Variants in RERE observed in about 807,000 individuals in gnomAD.
RERE encodes arginine-glutamic acid dipeptide repeats.
RERE carries 40 observed loss-of-function variants against 146.1 expected under a neutral mutation model. The observed-to-expected ratio is 0.27, with a 90% CI of 0.21 to 0.36. The LOEUF (loss-of-function observed/expected upper bound fraction) is 0.36, where lower values mean the gene tolerates loss of function less well. RERE is among the 10% of genes least tolerant of loss of function. RERE has a pLI of 1.00. For synonymous variants in RERE, 1,003 were observed against 866.0 expected (o/e 1.16, Z -2.78); for missense variants, 1,933 against 2,138.7 (o/e 0.90, Z 1.90).
chr1:8,731,480 G>A (rs913910701), intron 1 of RERE, among the ~76,000 whole-genome samples: 8 of 151,978 alleles, frequency 5.3e-5, no homozygotes, highest in African/African-American at 1.5e-4. Context: ...TAAACTCTTC[G>A]GAAGATCACA....
chr1:8,464,529 A>G (rs1425594457), intron 11 of RERE, among the ~76,000 whole-genome samples: 1 of 152,154 alleles, frequency 6.6e-6, no homozygotes, highest in East Asian at 1.9e-4. Context: ...CATGTGGGGC[A>G]CATCACCATG....
chr1:8,777,524 A>C (rs1203516619), intron 1 of RERE, among the ~76,000 whole-genome samples: 1 of 151,776 alleles, frequency 6.6e-6, no homozygotes, highest in African/African-American at 2.4e-5. Flanking sequence ...CTGAAAACAA[A>C]GTGTCATACT....
intron 3 of RERE, among the ~76,000 whole-genome samples, chr1:8,621,068 T>C (rs1646910399): frequency 6.6e-6 from 1 of 151,782 alleles, no homozygotes; most frequent in Non-Finnish European, 1.5e-5. Context: ...GTTTTGATGG[T>C]TGAATATTAA....
chr1:8,696,195 T>G (rs777175732), intron 1 of RERE, among the ~76,000 whole-genome samples: 4 of 152,188 alleles, frequency 2.6e-5, no homozygotes, highest in Non-Finnish European at 5.9e-5. Context: ...CAGGTATACA[T>G]GCAAAAGAAA....
intron 1 of RERE, chr1:8,806,777 G>C (rs1263739542): frequency 6.6e-6 from 1 of 152,094 alleles, no homozygotes; most frequent in African/African-American, 2.4e-5. Context: ...CTCTTCTCTA[G>C]CCTCCAAGTT....
At chr1:8,568,219 T>C (rs141511540) in intron 4 of RERE, among the ~76,000 whole-genome samples, 1 of 152,334 alleles carries the variant, frequency 6.6e-6, no homozygotes, top group Non-Finnish European at 1.5e-5. Context: ...ATCAGAACTC[T>C]AGGTCCTCCA....
At chr1:8,441,369 C>T (rs930620889) in intron 11 of RERE, among the ~76,000 whole-genome samples, 1 of 152,154 alleles carries the variant, frequency 6.6e-6, no homozygotes, top group Non-Finnish European at 1.5e-5. Context: ...TTCTTCTATC[C>T]CCACCACTGC....
chr1:8,741,543 A>G (rs1160891409), intron 1 of RERE, among the ~76,000 whole-genome samples: 1 of 152,164 alleles, frequency 6.6e-6, no homozygotes, highest in East Asian at 1.9e-4. Flanking sequence ...GTGAGTTCTC[A>G]TAAGATCCGA....
At chr1:8,794,711 A>G (rs555662221) in intron 1 of RERE, among the ~76,000 whole-genome samples, 71 of 152,276 alleles carry the variant, frequency 4.7e-4, no homozygotes, top group African/African-American at 1.7e-3. Context: ...AGCCTGGGCA[A>G]CACGGCAAAA....
At chr1:8,390,233 A>C (rs1327181144) in intron 12 of RERE, among the ~76,000 whole-genome samples, 1 of 152,172 alleles carries the variant, frequency 6.6e-6, no homozygotes, top group Non-Finnish European at 1.5e-5. Context: ...CATACAGAAG[A>C]GCAGAGACCC....
intron 2 of RERE, among the ~76,000 whole-genome samples, chr1:8,647,759 C>A (rs1022598467): frequency 4.6e-5 from 7 of 151,586 alleles, no homozygotes. Context: ...AATTGCCTTA[C>A]AGAAGCTTTC....
chr1:8,422,563 C>T (rs1643925241), intron 12 of RERE, among the ~76,000 whole-genome samples, 164 bp downstream of exon 12: 1 of 152,114 alleles, frequency 6.6e-6, no homozygotes. Context: ...AAATTATGAA[C>T]TCAAATTAAA....
intron 2 of RERE, among the ~76,000 whole-genome samples, chr1:8,649,347 A>T (rs60360777): frequency 0.026 from 3,936 of 152,314 alleles, 155 homozygotes; most frequent in African/African-American, 0.089. Context: ...TACAAAACAG[A>T]CTTCCAGAAG....
At chr1:8,764,476 C>T (rs998369666) in intron 1 of RERE, among the ~76,000 whole-genome samples, 1 of 152,118 alleles carries the variant, frequency 6.6e-6, no homozygotes, top group African/African-American at 2.4e-5. Flanking sequence ...CAGTCAATCC[C>T]ATGCCAAGTA....
intron 1 of RERE, among the ~76,000 whole-genome samples, chr1:8,685,025 T>G (rs1639054090): frequency 6.6e-6 from 1 of 151,940 alleles, no homozygotes; most frequent in African/African-American, 2.4e-5. Context: ...AGCCAGCTAA[T>G]TTTTCAATTT....
intron 1 of RERE, among the ~76,000 whole-genome samples, chr1:8,777,560 A>C (rs1160998872): frequency 6.9e-6 from 1 of 144,006 alleles, no homozygotes; most frequent in Admixed American, 7.0e-5. Flanking sequence ...TTTGAGATGC[A>C]GTCTCGCTCT....
chr1:8,403,461 G>A (rs1042363806), intron 12 of RERE, among the ~76,000 whole-genome samples: 1 of 142,152 alleles, frequency 7.0e-6, no homozygotes, highest in Non-Finnish European at 1.5e-5. Flanking sequence ...TGCTTCTCGG[G>A]TTCAAGTGAT....
At chr1:8,506,516 A>G (rs1484460828) in intron 8 of RERE, among the ~76,000 whole-genome samples, 1 of 152,256 alleles carries the variant, frequency 6.6e-6, no homozygotes, top group East Asian at 1.9e-4. Context: ...CTAGACAGAA[A>G]TAATAACTAG....
chr1:8,568,425 T>C (rs1445421983), intron 4 of RERE, among the ~76,000 whole-genome samples: 1 of 152,234 alleles, frequency 6.6e-6, no homozygotes, highest in East Asian at 1.9e-4. Flanking sequence ...AAACTCATTC[T>C]GAAACTTAAT....
Sources: gnomAD v4.1 joint callset for allele counts (sites outside exome capture counted in the v4.1 genomes callset) on GRCh38, gnomAD v4.1.1 for gene constraint, MANE v1.5 for transcripts, NCBI Gene and HGNC (gene_info 2026-07-23, HGNC 2026-07-21) for gene names.